The following SMAD3 variants were observed in gnomAD, a reference collection of about 807,000 sequenced individuals.
SMAD3 encodes SMAD family member 3, also known as MAD homolog 3.
In SMAD3, 12 loss-of-function variants were observed where a neutral mutation model predicts 51.8. The observed-to-expected ratio is 0.23, with a 90% CI of 0.15 to 0.38. SMAD3 has a LOEUF of 0.38. SMAD3 is among the 10% of genes least tolerant of loss of function. SMAD3 has a pLI of 1.00. For synonymous variants in SMAD3, 238 were observed against 227.7 expected (o/e 1.05, Z -0.41); for missense variants, 294 against 565.6 (o/e 0.52, Z 4.87).
chr15:67,152,879 TCTC>T (rs1347670005), intron 1 of SMAD3, among the ~76,000 whole-genome samples: 4 of 151,972 alleles, frequency 2.6e-5, no homozygotes, highest in Admixed American at 6.6e-5. Flanking sequence ...CCCTAAACAC[TCTC>T]CTCCTCCTCC....
chr15:67,166,307 C>A, intron 3 of SMAD3: 1 of 329,632 alleles, frequency 3.0e-6, no homozygotes, highest in Non-Finnish European at 4.8e-6. Flanking sequence ...AACTTGCAAC[C>A]TAACTGCTGA....
intron 4 of SMAD3, among the ~76,000 whole-genome samples, chr15:67,169,949 C>T (rs555140710): frequency 9.4e-4 from 143 of 152,268 alleles, no homozygotes; most frequent in African/African-American, 3.1e-3. Flanking sequence ...CGTGCATCAT[C>T]ATCTTTTGCA....
intron 1 of SMAD3, chr15:67,143,069 C>T (rs1961876326): frequency 9.3e-6 from 2 of 215,818 alleles, no homozygotes; most frequent in South Asian, 9.3e-5. Flanking sequence ...TTCGGTGACC[C>T]ACCTTGGGAT....
intron 1 of SMAD3, among the ~76,000 whole-genome samples, chr15:67,119,171 A>G (rs1961202277): frequency 6.6e-6 from 1 of 152,202 alleles, no homozygotes; most frequent in African/African-American, 2.4e-5. Flanking sequence ...AGGAAAAGCA[A>G]GATGGTGCAC....
intron 1 of SMAD3, among the ~76,000 whole-genome samples, chr15:67,111,549 T>C (rs2140234344): frequency 6.6e-6 from 1 of 152,344 alleles, no homozygotes; most frequent in African/African-American, 2.4e-5. Flanking sequence ...TTTGTTTACC[T>C]TTTTGAGAAA....
intron 1 of SMAD3, among the ~76,000 whole-genome samples, chr15:67,117,818 G>A (rs1263141909): frequency 6.6e-6 from 1 of 152,234 alleles, no homozygotes; most frequent in Non-Finnish European, 1.5e-5. Context: ...TTGGCCGGGT[G>A]CAGTGGCTCA....
At chr15:67,111,025 T>C (rs1174527545) in intron 1 of SMAD3, among the ~76,000 whole-genome samples, 1 of 152,262 alleles carries the variant, frequency 6.6e-6, no homozygotes, top group Admixed American at 6.5e-5. Context: ...ATAAATCTGC[T>C]CTTTTAAGGG....
intron 1 of SMAD3, among the ~76,000 whole-genome samples, chr15:67,094,683 C>T (rs1021833160): frequency 6.6e-6 from 1 of 152,194 alleles, no homozygotes; most frequent in Non-Finnish European, 1.5e-5. Flanking sequence ...TAGGGAAATG[C>T]GTGGGGCTGC....
intron 1 of SMAD3, among the ~76,000 whole-genome samples, chr15:67,068,085 C>G (rs922199297): frequency 6.6e-6 from 1 of 152,148 alleles, no homozygotes; most frequent in South Asian, 2.1e-4. Context: ...AAAGCACTTT[C>G]ACATGGTTTT....
chr15:67,070,031 CTTA>C (rs144938077), intron 1 of SMAD3, among the ~76,000 whole-genome samples: 6,977 of 152,238 alleles, frequency 0.046, 226 homozygotes, highest in East Asian at 0.15. Context: ...GTAGCCTCCT[CTTA>C]TTATCTCCTT....
intron 1 of SMAD3, chr15:67,146,925 G>A (rs188027053): frequency 2.5e-4 from 38 of 152,338 alleles, no homozygotes; most frequent in African/African-American, 8.4e-4. Context: ...GTTACAGCCA[G>A]GCAGAGTTGA....
chr15:67,097,189 CTTTTTTTGTGGT>C (rs1960632598), intron 1 of SMAD3, among the ~76,000 whole-genome samples: 1 of 151,828 alleles, frequency 6.6e-6, no homozygotes, highest in Non-Finnish European at 1.5e-5. Context: ...TCTCTCTGTC[CTTTTTTTGTGGT>C]TTTTTTTGTT....
intron 1 of SMAD3, among the ~76,000 whole-genome samples, chr15:67,155,911 C>T (rs1352600687): frequency 3.3e-5 from 5 of 151,592 alleles, no homozygotes; most frequent in Admixed American, 2.0e-4. Context: ...CGCTTGAACC[C>T]GGGGGCAGAG....
chr15:67,128,489 C>G (rs1237502850), intron 1 of SMAD3, among the ~76,000 whole-genome samples: 1 of 151,936 alleles, frequency 6.6e-6, no homozygotes, highest in Non-Finnish European at 1.5e-5. Flanking sequence ...AACATAGTTC[C>G]TGGTGTATAG....
At chr15:67,111,083 A>G (rs1331192527) in intron 1 of SMAD3, among the ~76,000 whole-genome samples, 1 of 152,240 alleles carries the variant, frequency 6.6e-6, no homozygotes, top group African/African-American at 2.4e-5. Flanking sequence ...TACAACCATC[A>G]TCACTATCTA....
At chr15:67,114,984 A>G (rs1482492088) in intron 1 of SMAD3, among the ~76,000 whole-genome samples, 1 of 152,144 alleles carries the variant, frequency 6.6e-6, no homozygotes, top group Non-Finnish European at 1.5e-5. Context: ...TTTTTTGGCT[A>G]CAGCCCTGTG....
chr15:67,166,879 AT>A (rs1220566187), intron 4 of SMAD3, 26 bp downstream of exon 4: 9 of 1,548,304 alleles, frequency 5.8e-6, no homozygotes, highest in Non-Finnish European at 7.9e-6. Context: ...TCATGCTCTT[AT>A]TCTTAACTGA....
At chr15:67,087,139 C>T (rs1960411497) in intron 1 of SMAD3, among the ~76,000 whole-genome samples, 1 of 152,114 alleles carries the variant, frequency 6.6e-6, no homozygotes, top group Admixed American at 6.5e-5. Context: ...CTGCCCACCT[C>T]AGCCTCCCAG....
At chr15:67,143,523 C>G (rs1164166930) in intron 1 of SMAD3, among the ~76,000 whole-genome samples, 1 of 152,234 alleles carries the variant, frequency 6.6e-6, no homozygotes, top group Non-Finnish European at 1.5e-5. Context: ...GAACCTCCGC[C>G]TCCCAGGTTC....
Sources: gnomAD v4.1 joint callset for allele counts (sites outside exome capture counted in the v4.1 genomes callset) on GRCh38, gnomAD v4.1.1 for gene constraint, MANE v1.5 for transcripts, NCBI Gene and HGNC (gene_info 2026-07-23, HGNC 2026-07-21) for gene names.